Variants in SHISAL1 observed in about 807,000 individuals in gnomAD.
SHISAL1 encodes the protein protein shisa-like-1.
Under a neutral mutation model 22.6 loss-of-function variants are expected in SHISAL1, and 9 were observed. The observed-to-expected ratio is 0.40, with a 90% CI of 0.24 to 0.70. SHISAL1 has a LOEUF of 0.70. Among genes scored for constraint, SHISAL1 ranks in the 30% least tolerant of loss-of-function variants. SHISAL1 has a pLI of 0.39. For synonymous variants in SHISAL1, 119 were observed against 115.4 expected (o/e 1.03, Z -0.20); for missense variants, 246 against 270.6 (o/e 0.91, Z 0.64).
chr22:44,278,977 G>A (rs2055258691), intron 4 of SHISAL1, among the ~76,000 whole-genome samples: 1 of 152,002 alleles, frequency 6.6e-6, no homozygotes, highest in South Asian at 2.1e-4. Context: ...TCCAGGGCAG[G>A]CTCTCATCAC....
intron 4 of SHISAL1, among the ~76,000 whole-genome samples, chr22:44,276,976 C>T (rs1390864878): frequency 3.3e-5 from 5 of 152,204 alleles, no homozygotes; most frequent in Non-Finnish European, 7.3e-5. Flanking sequence ...CCCAGGGCTC[C>T]CCAGTTCCCC....
Position 44,291,708 on chromosome 22 carries a change from G to A in SHISAL1, c.281+4964C>T, listed in dbSNP as rs907188807. On this transcript the variant is annotated intron_variant, in intron 3 of 4. Coordinates refer to ENST00000381176, the MANE Select transcript of SHISAL1 (RefSeq NM_001099294.2). ...ACCCCCTGCAGCCCATCTGCCTGGT[G>A]AAGGAATGCCCATGCATTGTGGGAG... Among the ~76,000 whole-genome samples, 5 of 151,922 alleles carry A rather than the reference G, an allele frequency of 3.3e-5. No homozygotes were observed. The South Asian group carries it at 6.2e-4, about 19-fold the overall frequency.
intron 4 of SHISAL1, among the ~76,000 whole-genome samples, chr22:44,277,804 G>C (rs978148878): frequency 2.6e-5 from 4 of 152,200 alleles, no homozygotes; most frequent in African/African-American, 9.7e-5. Context: ...GCCATTGCAG[G>C]GTGGTTATGA....
upstream of SHISAL1, among the ~76,000 whole-genome samples, chr22:44,313,443 G>A (rs926149339): frequency 6.6e-6 from 1 of 152,214 alleles, no homozygotes; most frequent in Non-Finnish European, 1.5e-5. Flanking sequence ...GCACCTGCCT[G>A]ACTCCAAGCT....
chr22:44,305,245 G>A (rs1200215839), intron 1 of SHISAL1, among the ~76,000 whole-genome samples: 2 of 152,180 alleles, frequency 1.3e-5, no homozygotes, highest in African/African-American at 2.4e-5. Flanking sequence ...CCCACTTGCT[G>A]ACCTGCACTC....
upstream of SHISAL1, among the ~76,000 whole-genome samples, chr22:44,313,734 C>T (rs1008626774): frequency 6.6e-6 from 1 of 152,210 alleles, no homozygotes; most frequent in Non-Finnish European, 1.5e-5. Context: ...GGTACCTTGG[C>T]GGCGCCCTTG....
chr22:44,257,544 T>A (rs147460596), intron 4 of SHISAL1, among the ~76,000 whole-genome samples: 5 of 152,368 alleles, frequency 3.3e-5, no homozygotes, highest in African/African-American at 9.6e-5. Flanking sequence ...GCAATTTCTG[T>A]ACTTTCCACT....
rs369241443 is a variant in SHISAL1 at position 44,296,770 on chromosome 22, G to C, written c.183C>G (p.His61Gln). ...SDNKTFILCC[H>Q]HNNTVFKYCC... ...AGTATTTGAAGACCGTGTTGTTATG[G>C]TGACAACAGAGGATGAAGGTCTTGT... Residue 61 changes from histidine (H) to glutamine (Q), a missense_variant, in exon 3 of 5, where the codon CAC becomes CAG. His to Gln is a conservative substitution (Grantham distance 24, BLOSUM62 0). This residue lies in a region of SHISAL1 where 110 missense variants were observed against 153.1 expected (regional missense o/e 0.72). Coordinates refer to ENST00000381176, the MANE Select transcript of SHISAL1 (RefSeq NM_001099294.2). 1.9e-6 allele frequency: 3 copies of C among 1,614,066 alleles called. No individual in the cohort carries two copies. The Admixed American group carries it at 5.0e-5, about 27-fold the overall frequency.
At chr22:44,308,322 A>G (rs968368735) in intron 1 of SHISAL1, among the ~76,000 whole-genome samples, 1 of 152,110 alleles carries the variant, frequency 6.6e-6, no homozygotes, top group African/African-American at 2.4e-5. Context: ...CAGCTTTCCC[A>G]AGTACCCACC....
intron 1 of SHISAL1, among the ~76,000 whole-genome samples, chr22:44,307,159 G>A (rs906250284): frequency 6.6e-6 from 1 of 152,136 alleles, no homozygotes; most frequent in African/African-American, 2.4e-5. Flanking sequence ...CCTCCTGTGG[G>A]CCTTGTGCTG....
intron 4 of SHISAL1, among the ~76,000 whole-genome samples, chr22:44,268,347 A>C (rs2147278463): frequency 6.6e-6 from 1 of 152,294 alleles, no homozygotes; most frequent in East Asian, 1.9e-4. Flanking sequence ...AATTTTTCAA[A>C]GCGTTTTTCA....
At chr22:44,285,860 G>T in intron 3 of SHISAL1, 115 bp from the exon 4 acceptor site, 1 of 901,862 alleles carries the variant, frequency 1.1e-6, no homozygotes, top group Non-Finnish European at 1.7e-6. Context: ...GGGTCCCCGG[G>T]AGGAGGGTAC....
At chr22:44,298,193 A>G (rs1407848835) in intron 2 of SHISAL1, among the ~76,000 whole-genome samples, 1 of 152,220 alleles carries the variant, frequency 6.6e-6, no homozygotes, top group Non-Finnish European at 1.5e-5. Context: ...ACCTTAAGAA[A>G]GAAGAATACC....
At chr22:44,298,524 ACT>A (rs1458174529) in intron 2 of SHISAL1, among the ~76,000 whole-genome samples, 1 of 152,250 alleles carries the variant, frequency 6.6e-6, no homozygotes, top group Non-Finnish European at 1.5e-5. Flanking sequence ...AGTTCCGGTC[ACT>A]GTCTGGGTCA....
intron 4 of SHISAL1, among the ~76,000 whole-genome samples, chr22:44,272,215 C>A (rs16991724): frequency 0.03 from 4,589 of 152,300 alleles, 236 homozygotes; most frequent in African/African-American, 0.11. Context: ...CAGAGACACA[C>A]AATCTCCATC....
At chr22:44,300,797 C>A in intron 2 of SHISAL1, 82 bp downstream of exon 2, 1 of 1,233,050 alleles carries the variant, frequency 8.1e-7, no homozygotes, top group Non-Finnish European at 1.2e-6. Context: ...CCCCCAGAAC[C>A]CCAGATGGGC....
At chr22:44,250,044 G>A (rs1416745403) in intron 4 of SHISAL1, among the ~76,000 whole-genome samples, 1 of 152,184 alleles carries the variant, frequency 6.6e-6, no homozygotes, top group African/African-American at 2.4e-5. Flanking sequence ...ACGTATAATA[G>A]TCAACCTATA....
At chr22:44,299,803 CAG>C (rs2055413202) in intron 2 of SHISAL1, among the ~76,000 whole-genome samples, 1 of 150,138 alleles carries the variant, frequency 6.7e-6, no homozygotes, top group Non-Finnish European at 1.5e-5. Flanking sequence ...TAGAAAAAGA[CAG>C]AGGCAGACAT....
rs2054977557 is a variant in SHISAL1, at chr22:44,244,057, T to C, written c.*5628A>G. ...TGCACATTGTCGAGACACTGACCAC[T>C]TGGTTATTTGACTGTGAGGTATGCC... On this transcript the variant is annotated 3_prime_UTR_variant, in exon 5 of 5. Coordinates refer to ENST00000381176, the MANE Select transcript of SHISAL1 (RefSeq NM_001099294.2). 2 of 152,210 alleles carry C rather than the reference T, an allele frequency of 1.3e-5. No individual in the cohort carries two copies. The highest frequency in any genetic ancestry group is 2.9e-5 in the Non-Finnish European group (2 of 68,040). 9.4% of individuals were successfully genotyped at this position (152,210 alleles called of 1,614,324 possible).
Sources: allele counts gnomAD v4.1 joint callset (sites outside exome capture counted in the v4.1 genomes callset), GRCh38; gene constraint gnomAD v4.1.1; regional missense constraint gnomAD v4.1.1; transcripts MANE v1.5; gene names NCBI Gene and HGNC (gene_info 2026-07-23, HGNC 2026-07-21).